PTPRN: variants seen among roughly 807,000 people sequenced by gnomAD.
PTPRN encodes the protein protein tyrosine phosphatase receptor type N, also known as receptor-type tyrosine-protein phosphatase-like N.
In PTPRN, 70 loss-of-function variants were observed where a neutral mutation model predicts 108.5. The ratio of observed to expected loss-of-function variants is 0.65; its 90% confidence interval spans 0.53 to 0.79. The LOEUF (loss-of-function observed/expected upper bound fraction) is 0.79. Among genes scored for constraint, PTPRN ranks in the 30% least tolerant of loss-of-function variants. The pLI is 0.00. For synonymous variants in PTPRN, 496 were observed against 524.6 expected (o/e 0.95, Z 0.75); for missense variants, 1,136 against 1,295.5 (o/e 0.88, Z 1.89).
chr2:219,290,638 G>T lies in PTPRN; in HGVS notation c.2795-27C>A. 6.5e-7 allele frequency: 1 copy of T among 1,543,952 alleles called. No homozygotes were observed. Among genetic ancestry groups the T allele is most frequent in the Non-Finnish European group, 8.8e-7 (1 of 1,139,790 alleles). ...TGGAGATGGAGGTGGGGATGGGGCT[G>T]CTCAGGGGGTGTCCAGAGGAGGACA... On this transcript the variant is annotated intron_variant, in intron 21 of 22. Coordinates refer to ENST00000295718, the MANE Select transcript of PTPRN (RefSeq NM_002846.4). The surrounding 1 kb of genome is among the most constrained non-coding windows in gnomAD (Gnocchi z 4.2).
chr2:219,291,004 T>A, intron 20 of PTPRN, 114 bp from the exon 21 acceptor site: 1 of 1,036,106 alleles, frequency 9.7e-7, no homozygotes, highest in South Asian at 1.3e-5. Flanking sequence ...GGTGACCCGT[T>A]GGGGTTGGCT....
At chr2:219,301,189 T>C (rs1211995296) in intron 7 of PTPRN, among the ~76,000 whole-genome samples, 1 of 152,318 alleles carries the variant, frequency 6.6e-6, no homozygotes, top group East Asian at 1.9e-4. Flanking sequence ...TATTAACTCC[T>C]CCCTCTACCA....
intron 11 of PTPRN, 54 bp from the exon 12 acceptor site, chr2:219,299,165 C>T: frequency 6.2e-7 from 1 of 1,611,096 alleles, no homozygotes; most frequent in Non-Finnish European, 8.5e-7. Flanking sequence ...TCTCCATCCT[C>T]TGTCTTGCTC....
chr2:219,302,001 T>C (rs1351969918), intron 6 of PTPRN, 136 bp downstream of exon 6: 5 of 910,012 alleles, frequency 5.5e-6, no homozygotes, highest in Non-Finnish European at 8.1e-6. Context: ...TAGAACAGCT[T>C]GTCAGTAGAC....
At position 219,299,752 on chromosome 2, in the gene PTPRN, C is replaced by T; in HGVS notation, c.1471G>A (p.Glu491Lys). The T allele has an allele frequency of 6.2e-7, 1 of 1,610,334 alleles. No individual in the cohort carries two copies. Among genetic ancestry groups the T allele is most frequent in the Non-Finnish European group, 8.5e-7 (1 of 1,177,074 alleles). ...LSLAAGVKLL[E>K]ILAEHVHMSS... ...ATGTGCACATGCTCAGCCAGGATCT[C>T]CAGCAGCTTCACTCCTGCAGCCAGG... is the stretch of plus-strand genomic sequence containing the variant. Residue 491 changes from glutamate (E) to lysine (K), a missense_variant, in exon 10 of 23, where the codon GAG becomes AAG. Physicochemically the swap from Glu to Lys is moderately conservative, Grantham distance 56. Transcript: ENST00000295718.
intron 7 of PTPRN, 41 bp from the exon 8 acceptor site, chr2:219,301,018 G>T: frequency 6.2e-7 from 1 of 1,604,564 alleles, no homozygotes; most frequent in Non-Finnish European, 8.5e-7. Context: ...AAATGGCCAT[G>T]GCCAAGGTCT....
chr2:219,301,761 T>A (rs781765927), intron 6 of PTPRN, 42 bp from the exon 7 acceptor site: 2 of 1,578,882 alleles, frequency 1.3e-6, no homozygotes, highest in Non-Finnish European at 1.7e-6. Flanking sequence ...GATTGCGCAG[T>A]GAACTTGAGG....
At chr2:219,291,424 G>A (rs1983297) in intron 20 of PTPRN, 46 bp downstream of exon 20, 156,083 of 1,589,844 alleles carry the variant, frequency 0.098, 8,031 homozygotes, top group South Asian at 0.11. Context: ...CACAGGAGAC[G>A]CACACAGGGA....
chr2:219,302,039 G>T, intron 6 of PTPRN, 98 bp downstream of exon 6: 1 of 1,147,646 alleles, frequency 8.7e-7, no homozygotes, highest in Non-Finnish European at 1.2e-6. Context: ...ATGACTTTAA[G>T]GACAAGTTAA....
At chr2:219,294,927 T>TCCGCCC (rs1242871527) in intron 19 of PTPRN, 48 bp downstream of exon 19, 1 of 1,403,364 alleles carries the variant, frequency 7.1e-7, no homozygotes, top group Non-Finnish European at 9.2e-7. Context: ...GGACCCCGGC[T>TCCGCCC]CCGCCCCCGC....
In PTPRN at chr2:219,296,930, C is replaced by T; in HGVS notation, c.2236+55G>A. ...GCCCAACCCCTTACCCCAAGCCCTC[C>T]AGACCTCGCAGCAGAGAGAGGGCTG... is the stretch of plus-strand genomic sequence containing the variant. On this transcript the variant is annotated intron_variant, in intron 15 of 22. Coordinates refer to ENST00000295718, the MANE Select transcript of PTPRN (RefSeq NM_002846.4). This position sits in a 1 kb window ranked among gnomAD's most constrained non-coding sequence, Gnocchi z 6.0. The T allele has an allele frequency of 6.2e-7, 1 of 1,612,374 alleles. No homozygotes were observed. The highest frequency in any genetic ancestry group is 8.5e-7 in the Non-Finnish European group (1 of 1,178,920).
At chr2:219,299,579 C>T in intron 10 of PTPRN, 121 bp downstream of exon 10, 1 of 1,192,028 alleles carries the variant, frequency 8.4e-7, no homozygotes, top group Non-Finnish European at 1.2e-6. Context: ...TTCAGTACAG[C>T]TGGGAGCATC....
intron 20 of PTPRN, among the ~76,000 whole-genome samples, 182 bp downstream of exon 20, chr2:219,291,287 CT>C (rs1290815894): frequency 6.6e-6 from 1 of 152,164 alleles, no homozygotes; most frequent in Admixed American, 6.5e-5. Context: ...TACTTTTCTT[CT>C]TTTTTCTTCA....
intron 18 of PTPRN, chr2:219,295,905 T>C (rs748831827): frequency 1.1e-5 from 3 of 263,726 alleles, no homozygotes; most frequent in Non-Finnish European, 2.2e-5. Context: ...ACCTCGGTTT[T>C]GGTGGTTTTA....
chr2:219,295,324 A>G (rs1025231942), intron 18 of PTPRN, 183 bp from the exon 19 acceptor site: 1 of 590,374 alleles, frequency 1.7e-6, no homozygotes, highest in African/African-American at 1.9e-5. Context: ...GCTCAGGACC[A>G]CTAGTAGCTT....
chr2:219,307,582 C>G, intron 2 of PTPRN, 25 bp from the exon 3 acceptor site: 1 of 1,603,934 alleles, frequency 6.2e-7, no homozygotes, highest in Non-Finnish European at 8.5e-7. Context: ...GTGGTGTCAG[C>G]AGGGGGCTTG....
chr2:219,296,722 G>A lies in PTPRN; in HGVS notation c.2310+27C>T. 1 of 1,612,412 alleles carries A rather than the reference G, an allele frequency of 6.2e-7. No individual in the cohort carries two copies. The highest frequency in any genetic ancestry group is 8.5e-7 in the Non-Finnish European group (1 of 1,179,084). ...GGGCCAGGATAATGATGGGGCAGAG[G>A]TGGGGGCTGGAGTCAGGGCCACTCA... On this transcript the variant is annotated intron_variant, in intron 16 of 22. Transcript: ENST00000295718. This position sits in a 1 kb window ranked among gnomAD's most constrained non-coding sequence, Gnocchi z 6.0.
In PTPRN at chr2:219,290,333, G is replaced by T. The variant is rs748410114; in HGVS notation, c.2869-36C>A. On this transcript the variant is annotated intron_variant, in intron 22 of 22. Coordinates refer to ENST00000295718, the MANE Select transcript of PTPRN (RefSeq NM_002846.4). The surrounding 1 kb of genome is among the most constrained non-coding windows in gnomAD (Gnocchi z 4.2). ...GCAGTGGTAGGATGGTCATGGAGAG[G>T]GCTGACCTGTGCTCTGCCCTCAAGA... is the stretch of plus-strand genomic sequence containing the variant. The T allele has an allele frequency of 6.3e-7, 1 of 1,592,546 alleles. No homozygotes were observed. Among genetic ancestry groups the T allele is most frequent in the Non-Finnish European group, 8.6e-7 (1 of 1,162,280 alleles).
chr2:219,295,981 C>A (rs1232118004), intron 18 of PTPRN: 1 of 469,070 alleles, frequency 2.1e-6, no homozygotes, highest in Non-Finnish European at 3.6e-6. Context: ...ACAGGACACA[C>A]ACACACACAC....
Sources: allele counts gnomAD v4.1 joint callset (sites outside exome capture counted in the v4.1 genomes callset), GRCh38; gene constraint gnomAD v4.1.1; non-coding constraint Gnocchi (gnomAD v3.1); transcripts MANE v1.5; gene names NCBI Gene and HGNC (gene_info 2026-07-23, HGNC 2026-07-21).